Variants in EP400 observed in about 807,000 individuals in gnomAD.
EP400 encodes E1A-binding protein p400.
In EP400, 105 loss-of-function variants were observed where a neutral mutation model predicts 354.1. The ratio of observed to expected loss-of-function variants is 0.30; its 90% CI spans 0.25 to 0.35. The LOEUF is 0.35. EP400 is among the 10% of genes least tolerant of loss of function. EP400 has a pLI of 1.00. For missense variants in EP400, 3,280 were observed against 4,121.0 expected, an observed-to-expected ratio of 0.80 and a Z score of 5.59; for synonymous variants, 1,646 against 1,716.9, an observed-to-expected ratio of 0.96 and a Z score of 1.02.
Position 132,077,761 on chromosome 12 carries a change from G to GC in EP400, c.*89dup. The stretch of plus-strand genomic sequence containing the variant: ...TTAGTGAACCTTGGGACCATGTCAC[G>GC]CAAGAGATTCAGCACTGGGAAAGAT... On this transcript the variant is annotated 3_prime_UTR_variant, in exon 53 of 53. Coordinates refer to ENST00000389561, the MANE Select transcript of EP400 (RefSeq NM_015409.5). 2.1e-6 allele frequency: 3 copies of GC among 1,410,854 alleles called. No homozygotes were observed. Among genetic ancestry groups the GC allele is most frequent in the Non-Finnish European group, 2.8e-6 (3 of 1,064,144 alleles). 87.4% of individuals were successfully genotyped at this position (1,410,854 alleles called of 1,614,324 possible).
chr12:132,054,925 A>C lies in EP400; in HGVS notation c.7729-49A>C, dbSNP rs1203951934. ...GTGGAAGCCTTTGGAGGATTTATGC[A>C]GGGGAGAGCCTGACGTGAAATTCAA... On this transcript the variant is annotated intron_variant, in intron 43 of 52. Coordinates refer to ENST00000389561, the MANE Select transcript of EP400 (RefSeq NM_015409.5). The surrounding 1 kb of genome is among the most constrained non-coding windows in gnomAD (Gnocchi z 4.0). 2 of 1,579,596 alleles carry C rather than the reference A, an allele frequency of 1.3e-6. No homozygotes were observed. Among genetic ancestry groups the C allele is most frequent in the Non-Finnish European group, 1.7e-6 (2 of 1,150,656 alleles).
At chr12:132,011,409 C>A in intron 15 of EP400, 89 bp from the exon 16 acceptor site, 1 of 1,509,878 alleles carries the variant, frequency 6.6e-7, no homozygotes, top group Non-Finnish European at 9.0e-7. Flanking sequence ...CATACTCATA[C>A]TGATGAAGCG....
rs1895264048 is a variant in EP400 at position 132,050,858 on chromosome 12, C to T, written c.7394+203C>T. On this transcript the variant is annotated intron_variant, in intron 41 of 52. Coordinates refer to ENST00000389561, the MANE Select transcript of EP400 (RefSeq NM_015409.5). This position sits in a 1 kb window ranked among gnomAD's most constrained non-coding sequence, Gnocchi z 4.8. ...GCATAGGACGGCCCCTGCCCTGTCT[C>T]TGTGTTACAGGGATTGTCCTTGCTG... is the stretch of plus-strand genomic sequence containing the variant. The T allele has an allele frequency of 1.6e-6, 1 of 623,584 alleles. No individual in the cohort carries two copies. The highest frequency in any genetic ancestry group is 2.7e-5 in the Admixed American group (1 of 36,586). 38.6% of individuals were successfully genotyped at this position (623,584 alleles called of 1,614,324 possible). A position where few individuals can be genotyped will look rare whatever the true frequency, so the allele number is the denominator to read the frequency against.
At chr12:132,002,525 T>C (rs1893450587) in intron 12 of EP400, among the ~76,000 whole-genome samples, 1 of 152,188 alleles carries the variant, frequency 6.6e-6, no homozygotes, top group South Asian at 2.1e-4. Context: ...CCTGTGAAGA[T>C]GGTTTTCAGA....
At chr12:132,069,317 C>T (rs1420125556) in intron 50 of EP400, 178 bp from the exon 51 acceptor site, 3 of 862,226 alleles carry the variant, frequency 3.5e-6, no homozygotes, top group Non-Finnish European at 3.4e-6. Flanking sequence ...AGAGGTAGGC[C>T]TGGAGGCAGC....
In EP400 at chr12:132,053,572, C is replaced by G; in HGVS notation, c.7703C>G (p.Thr2568Arg). Residue 2568 changes from threonine to arginine, a missense_variant, in exon 43 of 53, where the codon ACG becomes AGG. This residue lies in a region of EP400 where 255 missense variants were observed against 295.9 expected (regional missense o/e 0.86). Transcript: ENST00000389561. ...CCAGCGAAGGCGCAGCCCGCAATCACGACGGGGGGCAGTGCAGCCGTACTG... is the reference window on the plus strand; with the variant it reads ...CCAGCGAAGGCGCAGCCCGCAATCAGGACGGGGGGCAGTGCAGCCGTACTG... Reference protein sequence around the residue: ...QAPAKAQPAITTGGSAAVLAG... With the variant: ...QAPAKAQPAIRTGGSAAVLAG... 1 of 1,563,418 alleles carries G rather than the reference C, an allele frequency of 6.4e-7. No individual in the cohort carries two copies. Among genetic ancestry groups the G allele is most frequent in the Non-Finnish European group, 8.6e-7 (1 of 1,160,754 alleles).
At position 132,017,728 on chromosome 12, in the gene EP400, G is replaced by A; in HGVS notation, c.4110+7G>A. On this transcript the variant is annotated splice_region_variant and intron_variant, in intron 20 of 52. Transcript: ENST00000389561. The surrounding 1 kb of genome is among the most constrained non-coding windows in gnomAD (Gnocchi z 5.0). ...GGAGAGAGATTTCTGGAAGGTAAGT[G>A]GAGGATCCAGAAAGCGGAATTACTG... 1 of 1,513,824 alleles carries A rather than the reference G, an allele frequency of 6.6e-7. No individual in the cohort carries two copies. Among genetic ancestry groups the A allele is most frequent in the Non-Finnish European group, 8.8e-7 (1 of 1,132,092 alleles). 93.8% of individuals were successfully genotyped at this position (1,513,824 alleles called of 1,614,324 possible).
rs535820124 is a variant in EP400 at position 131,979,518 on chromosome 12, ATTGT to A, written c.1336-173_1336-170del. Among the ~76,000 whole-genome samples the A allele has an allele frequency of 3.3e-3, 497 of 152,310 alleles. 2 individuals carry two copies. The highest frequency in any genetic ancestry group is 5.9e-3 in the Non-Finnish European group (400 of 68,028). ...CCCCAGAGGTAAGTTAGAACTTTAAATTGTTTATTATACATAAATATACATTACA... is the reference window on the plus strand; with the variant it reads ...CCCCAGAGGTAAGTTAGAACTTTAAATTATTATACATAAATATACATTACA... On this transcript the variant is annotated intron_variant, in intron 2 of 52. Coordinates refer to ENST00000389561, the MANE Select transcript of EP400 (RefSeq NM_015409.5).
At position 131,992,129 on chromosome 12, in the gene EP400, G is replaced by A. The variant is rs370840807; in HGVS notation, c.2680-44G>A. On this transcript the variant is annotated intron_variant, in intron 10 of 52. Transcript: ENST00000389561. ...CTGCTGTCTTGGTTTCCCATTCTGAGTGTTTGGATCTCATGCTTGTGGTTT... is the reference window on the plus strand; with the variant it reads ...CTGCTGTCTTGGTTTCCCATTCTGAATGTTTGGATCTCATGCTTGTGGTTT... 2.5e-6 allele frequency: 4 copies of A among 1,592,188 alleles called. No individual in the cohort carries two copies. In the African/African-American group the frequency reaches 5.3e-5, roughly 21 times the overall value.
At chr12:132,040,416 C>A (rs150730497) in intron 32 of EP400, among the ~76,000 whole-genome samples, 2 of 152,096 alleles carry the variant, frequency 1.3e-5, no homozygotes, top group Non-Finnish European at 2.9e-5. Flanking sequence ...TCTGTACCCT[C>A]GTGTTCATCG....
intron 23 of EP400, 44 bp downstream of exon 23, chr12:132,021,365 C>A (rs552091624): frequency 2.0e-6 from 3 of 1,468,156 alleles, no homozygotes; most frequent in South Asian, 2.8e-5. Context: ...CTCTCTACCC[C>A]AGAGGAGTTG....
rs1209963342 is a variant in EP400 at position 132,044,329 on chromosome 12, C to T, written c.6585+18C>T. On this transcript the variant is annotated intron_variant, in intron 35 of 52. Transcript: ENST00000389561. ...ACAGCATGGTACCCGGCCCGGGGCC[C>T]TCCTGCCCTCTTGCCCCCCTGCTGA... 5.6e-6 allele frequency: 9 copies of T among 1,606,022 alleles called. No homozygotes were observed. The Admixed American group carries it at 6.7e-5, about 12-fold the overall frequency.
chr12:132,053,416 C>CCCCCCCCCCCCCCCCCA lies in EP400; in HGVS notation c.7547_7548insCCCCCCCCCCCCCCCCA (p.Gln2519ProfsTer82). On this transcript the variant is annotated frameshift_variant, in exon 43 of 53. Transcript: ENST00000389561. LOFTEE classifies it high-confidence loss of function. ...CCCCCGCCCCAGCCGCAGCCCCCAC[C>CCCCCCCCCCCCCCCCCA]ACCCCCGCAGCAGCCACCGCCACCG... 1 of 1,526,910 alleles carries CCCCCCCCCCCCCCCCCA rather than the reference C, an allele frequency of 6.5e-7. No individual in the cohort carries two copies. Among genetic ancestry groups the CCCCCCCCCCCCCCCCCA allele is most frequent in the Non-Finnish European group, 8.8e-7 (1 of 1,140,588 alleles). The allele number at this position is 1,526,910 out of a possible 1,614,324, so 94.6% of individuals were successfully genotyped here. A position where few individuals can be genotyped will look rare whatever the true frequency, so the allele number is the denominator to read the frequency against.
chr12:132,064,336 T>G (rs1895814749), intron 47 of EP400, among the ~76,000 whole-genome samples: 1 of 152,218 alleles, frequency 6.6e-6, no homozygotes, highest in Admixed American at 6.5e-5. Flanking sequence ...CTTAAAAAAT[T>G]TTTTCTTAAA....
intron 2 of EP400, among the ~76,000 whole-genome samples, chr12:131,968,161 A>G (rs1341735703): frequency 1.3e-5 from 2 of 152,206 alleles, no homozygotes; most frequent in African/African-American, 4.8e-5. Flanking sequence ...TGCCATATCT[A>G]AGAGCTCTGC....
At chr12:132,053,067 A>G in intron 41 of EP400, 79 bp from the exon 42 acceptor site, 6 of 1,467,368 alleles carry the variant, frequency 4.1e-6, no homozygotes, top group East Asian at 2.3e-5. Context: ...ACCTGGCAGC[A>G]TGGTGTTTCT....
At chr12:132,007,095 AAT>A (rs1210374325) in intron 15 of EP400, among the ~76,000 whole-genome samples, 1 of 152,244 alleles carries the variant, frequency 6.6e-6, no homozygotes, top group Non-Finnish European at 1.5e-5. Context: ...AATCTAATAA[AAT>A]ACAGAGACTC....
At chr12:131,970,272 C>T (rs1200241790) in intron 2 of EP400, among the ~76,000 whole-genome samples, 2 of 152,198 alleles carry the variant, frequency 1.3e-5, no homozygotes, top group East Asian at 1.9e-4. Context: ...AATTAAACTG[C>T]TCAGAATTCC....
At position 132,013,592 on chromosome 12, in the gene EP400, G is replaced by A. The variant is rs1241350740; in HGVS notation, c.3714G>A (p.Leu1238=). Residue 1238 remains leucine, a synonymous_variant, in exon 18 of 53, where the codon CTG becomes CTA. Coordinates refer to ENST00000389561, the MANE Select transcript of EP400 (RefSeq NM_015409.5). This position sits in a 1 kb window ranked among gnomAD's most constrained non-coding sequence, Gnocchi z 4.5. ...TCCCAGGGATCTCCAGGCCCTACCT[G>A]AGCTCCCCTCTGAGGGCCCCCAGTG... is the stretch of plus-strand genomic sequence containing the variant. ...FLVPGISRPY[L]SSPLRAPSEE... The A allele has an allele frequency of 6.2e-7, 1 of 1,613,828 alleles. No individual in the cohort carries two copies. The highest frequency in any genetic ancestry group is 8.5e-7 in the Non-Finnish European group (1 of 1,179,932).
Sources: allele counts gnomAD v4.1 joint callset (sites outside exome capture counted in the v4.1 genomes callset), GRCh38; gene constraint gnomAD v4.1.1; regional missense constraint gnomAD v4.1.1; non-coding constraint Gnocchi (gnomAD v3.1); transcripts MANE v1.5; gene names NCBI Gene and HGNC (gene_info 2026-07-23, HGNC 2026-07-21).